The following ANO2 variants were observed in gnomAD, a reference collection of about 807,000 sequenced individuals.
ANO2 encodes anoctamin-2.
ANO2 carries 101 observed loss-of-function variants against 124.2 expected under a neutral mutation model. The ratio of observed to expected loss-of-function variants is 0.81; its 90% CI spans 0.69 to 0.96. The LOEUF is 0.96. Ranked by LOEUF, ANO2 falls within the 40% of genes least tolerant of loss-of-function variation. The pLI, the probability that ANO2 is intolerant of heterozygous loss-of-function variation, is 0.00. For synonymous variants in ANO2, 486 were observed against 482.5 expected (o/e 1.01, Z -0.09); for missense variants, 1,293 against 1,274.5 (o/e 1.01, Z -0.22).
Position 5,922,796 on chromosome 12 carries a change from G to C in ANO2, c.31C>G (p.Leu11Val). The change falls in exon 2 of 25, where the codon CTG (leucine) becomes GTG (valine). Residue 11 changes from leucine to valine, a missense_variant. Coordinates refer to ENST00000682330, the MANE Select transcript of ANO2 (RefSeq NM_001364791.2). ...AGCCGGCGTGGGGAGCCAGGGAGCA[G>C]GGGTATATCTGTGAGAGGGAAAGAC... MATPGPRDIP[L>V]LPGSPRRLSP... 2.7e-6 allele frequency: 4 copies of C among 1,507,026 alleles called. No homozygotes were observed. Among genetic ancestry groups the C allele is most frequent in the East Asian group, 2.5e-5 (1 of 40,794 alleles). 93.4% of individuals were successfully genotyped at this position (1,507,026 alleles called of 1,614,324 possible).
intron 10 of ANO2, among the ~76,000 whole-genome samples, chr12:5,756,397 T>C (rs955696189): frequency 5.3e-5 from 8 of 152,154 alleles, no homozygotes; most frequent in Non-Finnish European, 1.2e-4. Context: ...CCTAATAAGG[T>C]AGTATCGAGA....
Position 5,658,106 on chromosome 12 carries a change from T to A in ANO2, c.1546-10305A>T, listed in dbSNP as rs1208754927. The stretch of plus-strand genomic sequence containing the variant: ...TTTTCTTCTTCCTTGCTGGAGGGCA[T>A]CTCACCATGTCCTGGGAATACTGCA... On this transcript the variant is annotated intron_variant, in intron 14 of 24. Transcript: ENST00000682330. This position sits in a 1 kb window ranked among gnomAD's most constrained non-coding sequence, Gnocchi z 4.3. Among the ~76,000 whole-genome samples the A allele has an allele frequency of 1.3e-5, 2 of 149,494 alleles. No homozygotes were observed. The highest frequency in any genetic ancestry group is 4.9e-5 in the African/African-American group (2 of 40,794).
In ANO2 at chr12:5,806,031, TG is replaced by T. The variant is rs1395441200; in HGVS notation, c.990+20del. ...AGTCTCGCATGCCCAAAGTCCAGGA[TG>T]CTGCACGAGGCAGGCTTACCTTCCT... On this transcript the variant is annotated intron_variant, in intron 9 of 24. Transcript: ENST00000682330. 7 of 1,612,954 alleles carry T rather than the reference TG, an allele frequency of 4.3e-6. No homozygotes were observed. The highest frequency in any genetic ancestry group is 5.9e-6 in the Non-Finnish European group (7 of 1,179,346).
intron 14 of ANO2, among the ~76,000 whole-genome samples, chr12:5,730,983 T>G (rs1324044197): frequency 6.6e-6 from 1 of 152,242 alleles, no homozygotes; most frequent in African/African-American, 2.4e-5. Flanking sequence ...GAAAGTTATT[T>G]GACCAATCAT....
At chr12:5,906,168 G>A (rs927040108) in intron 3 of ANO2, among the ~76,000 whole-genome samples, 1 of 152,072 alleles carries the variant, frequency 6.6e-6, no homozygotes, top group African/African-American at 2.4e-5. Context: ...TGGGGGCAGG[G>A]CTAGGAGAAG....
chr12:5,769,684 A>G lies in ANO2; in HGVS notation c.1056-18714T>C, dbSNP rs943061603. Among the ~76,000 whole-genome samples the G allele has an allele frequency of 3.9e-5, 6 of 152,156 alleles. No homozygotes were observed. Among genetic ancestry groups the G allele is most frequent in the African/African-American group, 1.4e-4 (6 of 41,426 alleles). ...GCCACACCTCCCCATCCAGAAGGAG[A>G]GGAAGATCTCAGAGTAAAATAAAAT... On this transcript the variant is annotated intron_variant, in intron 10 of 24. Coordinates refer to ENST00000682330, the MANE Select transcript of ANO2 (RefSeq NM_001364791.2). The surrounding 1 kb of genome is among the most constrained non-coding windows in gnomAD (Gnocchi z 4.0).
chr12:5,569,569 C>T (rs10849296), intron 23 of ANO2, among the ~76,000 whole-genome samples: 58,052 of 151,916 alleles, frequency 0.38, 11,934 homozygotes, highest in Non-Finnish European at 0.47. Flanking sequence ...GGAGCAGCTA[C>T]GCCACTTACT....
intron 4 of ANO2, among the ~76,000 whole-genome samples, chr12:5,850,543 A>G (rs529929594): frequency 7.4e-4 from 112 of 152,258 alleles, no homozygotes; most frequent in African/African-American, 2.6e-3. Flanking sequence ...TTTCTGTTTT[A>G]TCTGCAGCCT....
chr12:5,717,617 T>C (rs1344454342), intron 14 of ANO2, among the ~76,000 whole-genome samples: 5 of 152,184 alleles, frequency 3.3e-5, no homozygotes, highest in Non-Finnish European at 7.4e-5. Context: ...CCTCCAGAGT[T>C]AGCACCTCCA....
chr12:5,785,656 T>TAA (rs1952518593), intron 10 of ANO2, among the ~76,000 whole-genome samples: 1 of 149,606 alleles, frequency 6.7e-6, no homozygotes, highest in African/African-American at 2.5e-5. Context: ...AGTCCTCTTG[T>TAA]ACACACACAC....
chr12:5,729,383 G>T (rs1236074667), intron 14 of ANO2, among the ~76,000 whole-genome samples: 2 of 152,090 alleles, frequency 1.3e-5, no homozygotes, highest in Non-Finnish European at 2.9e-5. Context: ...AAGAAGACAT[G>T]CAAATGACCA....
At chr12:5,751,398 AT>A (rs1251169188) in intron 10 of ANO2, among the ~76,000 whole-genome samples, 1 of 152,238 alleles carries the variant, frequency 6.6e-6, no homozygotes, top group African/African-American at 2.4e-5. Context: ...CAGATCATAT[AT>A]TTGGGCATGT....
At chr12:5,792,451 G>GCCT (rs1952725666) in intron 10 of ANO2, among the ~76,000 whole-genome samples, 1 of 152,144 alleles carries the variant, frequency 6.6e-6, no homozygotes, top group African/African-American at 2.4e-5. Flanking sequence ...GTTTTCTTTA[G>GCCT]GTGTGATGAC....
At chr12:5,765,146 G>T (rs549416262) in intron 10 of ANO2, among the ~76,000 whole-genome samples, 1 of 152,268 alleles carries the variant, frequency 6.6e-6, no homozygotes, top group East Asian at 1.9e-4. Flanking sequence ...AACAAAGAAA[G>T]AAAAAGAATT....
chr12:5,900,315 A>G lies in ANO2; in HGVS notation c.534+20725T>C, dbSNP rs371054943. Among the ~76,000 whole-genome samples, 1 of 152,158 alleles carries G rather than the reference A, an allele frequency of 6.6e-6. No individual in the cohort carries two copies. Among genetic ancestry groups the G allele is most frequent in the African/African-American group, 2.4e-5 (1 of 41,444 alleles). Reference sequence around the variant, plus strand: ...GGCTGAGACTTACTCCCTGGAACACATGGTTGTTTGGATCAGGCATCCGTT... The same window carrying G: ...GGCTGAGACTTACTCCCTGGAACACGTGGTTGTTTGGATCAGGCATCCGTT... On this transcript the variant is annotated intron_variant, in intron 3 of 24. Transcript: ENST00000682330. This position sits in a 1 kb window ranked among gnomAD's most constrained non-coding sequence, Gnocchi z 4.2.
chr12:5,808,860 C>A (rs1454495044), intron 7 of ANO2, among the ~76,000 whole-genome samples: 1 of 152,188 alleles, frequency 6.6e-6, no homozygotes, highest in Non-Finnish European at 1.5e-5. Context: ...CCTCCTCTTC[C>A]TCAAACCTCG....
intron 10 of ANO2, among the ~76,000 whole-genome samples, chr12:5,762,118 A>G (rs1276816169): frequency 1.3e-5 from 2 of 152,088 alleles, no homozygotes; most frequent in Non-Finnish European, 2.9e-5. Context: ...GATGTTTCTC[A>G]AATCTCTTCG....
intron 7 of ANO2, among the ~76,000 whole-genome samples, chr12:5,824,943 C>T (rs1425154822): frequency 6.6e-6 from 1 of 152,114 alleles, no homozygotes; most frequent in East Asian, 1.9e-4. Flanking sequence ...TTCACTATCA[C>T]AAGAATAGCA....
intron 1 of ANO2, among the ~76,000 whole-genome samples, chr12:5,939,477 C>A (rs1424561992): frequency 1.3e-5 from 2 of 152,142 alleles, no homozygotes; most frequent in Non-Finnish European, 2.9e-5. Flanking sequence ...GTATCTCTCC[C>A]CACCTGTGGT....
Sources: allele counts gnomAD v4.1 joint callset (sites outside exome capture counted in the v4.1 genomes callset), GRCh38; gene constraint gnomAD v4.1.1; non-coding constraint Gnocchi (gnomAD v3.1); transcripts MANE v1.5; gene names NCBI Gene and HGNC (gene_info 2026-07-23, HGNC 2026-07-21).